The following NAALADL2 variants were observed in gnomAD, a reference collection of about 807,000 sequenced individuals.
NAALADL2 encodes the protein N-acetylated alpha-linked acidic dipeptidase like 2.
NAALADL2 carries 76 observed loss-of-function variants against 87.2 expected under a neutral mutation model. That is an observed-to-expected ratio of 0.87 (90% CI 0.72 to 1.05). The LOEUF (loss-of-function observed/expected upper bound fraction) is 1.05. NAALADL2 is among the 50% of genes least tolerant of loss of function. The pLI is 0.00. For synonymous variants in NAALADL2, 354 were observed against 331.0 expected, an observed-to-expected ratio of 1.07 and a Z score of -0.75; for missense variants, 1,089 against 945.8, an observed-to-expected ratio of 1.15 and a Z score of -1.99.
intron 1 of NAALADL2, among the ~76,000 whole-genome samples, chr3:174,895,725 A>G (rs1202165980): frequency 1.3e-5 from 2 of 152,108 alleles, no homozygotes; most frequent in African/African-American, 4.8e-5. Flanking sequence ...ATACATCAAA[A>G]CAAAAAAACG....
chr3:175,595,005 T>G (rs1722052983), intron 10 of NAALADL2, among the ~76,000 whole-genome samples: 1 of 152,146 alleles, frequency 6.6e-6, no homozygotes, highest in Non-Finnish European at 1.5e-5. Context: ...TTAGTTTAAC[T>G]GGCTCCCACA....
chr3:174,701,752 TGTTGTAGCAA>T (rs1729571653), intron 2 of NAALADL2, among the ~76,000 whole-genome samples: 1 of 152,172 alleles, frequency 6.6e-6, no homozygotes, highest in Non-Finnish European at 1.5e-5. Context: ...CATCCATCCA[TGTTGTAGCAA>T]GTTCAAGAGA....
At chr3:175,262,702 G>A (rs1751278001) in intron 4 of NAALADL2, among the ~76,000 whole-genome samples, 1 of 151,550 alleles carries the variant, frequency 6.6e-6, no homozygotes. Flanking sequence ...CTTTCCTATT[G>A]AAGCTTTTGA....
chr3:174,506,498 C>T (rs761773040), intron 1 of NAALADL2, among the ~76,000 whole-genome samples: 8 of 152,034 alleles, frequency 5.3e-5, no homozygotes, highest in African/African-American at 1.2e-4. Flanking sequence ...TCATTTTTAA[C>T]GGCTTTGCAT....
intron 5 of NAALADL2, among the ~76,000 whole-genome samples, chr3:175,366,398 G>A (rs543278540): frequency 1.8e-4 from 28 of 151,774 alleles, no homozygotes; most frequent in South Asian, 2.1e-4. Context: ...TGGGTCAAAT[G>A]GTATTTCTAG....
At chr3:174,855,613 T>G (rs1725753703), upstream of NAALADL2, among the ~76,000 whole-genome samples, 1 of 152,064 alleles carries the variant, frequency 6.6e-6, no homozygotes, top group Non-Finnish European at 1.5e-5. Context: ...TGTCTTTGTT[T>G]TCTTTGAGAC....
intron 11 of NAALADL2, among the ~76,000 whole-genome samples, chr3:175,684,063 TA>T (rs1735953437): frequency 6.6e-6 from 1 of 152,036 alleles, no homozygotes; most frequent in East Asian, 1.9e-4. Context: ...GATGAGCTTT[TA>T]AACTGTTCTT....
At chr3:175,612,681 C>CA (rs200567762) in intron 10 of NAALADL2, among the ~76,000 whole-genome samples, 28 of 150,338 alleles carry the variant, frequency 1.9e-4, no homozygotes, top group Admixed American at 3.3e-4. Context: ...GCTCTGACCT[C>CA]AAAAAAAAAT....
rs941663621 is a variant in NAALADL2 at position 175,014,475 on chromosome 3, A to C, written c.44-82315A>C. ...CTTTTAGCTCAAAATGTTTTTGACTATTTTGTTCCATAATGTATTCCCAGT... is the reference window on the plus strand; with the variant it reads ...CTTTTAGCTCAAAATGTTTTTGACTCTTTTGTTCCATAATGTATTCCCAGT... On this transcript the variant is annotated intron_variant, in intron 1 of 13. Transcript: ENST00000454872. Among the ~76,000 whole-genome samples, 7 of 152,230 alleles carry C rather than the reference A, an allele frequency of 4.6e-5. No individual in the cohort carries two copies. The East Asian group carries it at 1.4e-3, about 29-fold the overall frequency.
At chr3:175,660,346 C>T (rs925496746) in intron 11 of NAALADL2, among the ~76,000 whole-genome samples, 6 of 152,090 alleles carry the variant, frequency 3.9e-5, no homozygotes, top group African/African-American at 9.7e-5. Context: ...ACTGAAAAAA[C>T]TCACAATGAT....
Position 175,097,266 on chromosome 3 carries a change from G to A in NAALADL2, c.520G>A (p.Ala174Thr), listed in dbSNP as rs373589958. Residue 174 changes from alanine to threonine, a missense_variant, in exon 2 of 14, where the codon GCA becomes ACA. By Grantham distance (58) the Ala-to-Thr change is moderately conservative. Transcript: ENST00000454872. ...TCAAGAGATTCTCAAGACAATCCAG[G>A]CAGAAGATATTAAGAAGTCTTTCAG... Reference protein sequence around the residue: ...LYQEILKTIQAEDIKKSFRNL... With the variant: ...LYQEILKTIQTEDIKKSFRNL... 375 of 1,610,632 alleles carry A rather than the reference G, an allele frequency of 2.3e-4. No homozygotes were observed. Among genetic ancestry groups the A allele is most frequent in the Non-Finnish European group, 3.0e-4 (353 of 1,178,222 alleles).
intron 2 of NAALADL2, among the ~76,000 whole-genome samples, chr3:174,622,746 G>C (rs1325774950): frequency 6.6e-6 from 1 of 152,122 alleles, no homozygotes; most frequent in African/African-American, 2.4e-5. Context: ...CATTCATTTA[G>C]TAAGAGGAAT....
intron 2 of NAALADL2, among the ~76,000 whole-genome samples, chr3:174,592,931 GAGAA>G (rs991757976): frequency 1.3e-5 from 2 of 152,024 alleles, no homozygotes; most frequent in Non-Finnish European, 1.5e-5. Context: ...AGAGGGAGAA[GAGAA>G]AGAAAGAGGA....
At chr3:174,913,801 T>G (rs558549371) in intron 1 of NAALADL2, among the ~76,000 whole-genome samples, 16 of 152,234 alleles carry the variant, frequency 1.1e-4, no homozygotes, top group African/African-American at 2.6e-4. Context: ...GAAAAATCAT[T>G]TTGTGTATTG....
intron 12 of NAALADL2, among the ~76,000 whole-genome samples, chr3:175,743,115 C>G (rs1356646569): frequency 6.6e-6 from 1 of 152,104 alleles, no homozygotes; most frequent in Admixed American, 6.5e-5. Context: ...ATTCTCCTGC[C>G]TCAGCCTCCC....
intron 3 of NAALADL2, among the ~76,000 whole-genome samples, chr3:174,759,080 A>C (rs1054180938): frequency 6.6e-6 from 1 of 152,134 alleles, no homozygotes; most frequent in Non-Finnish European, 1.5e-5. Context: ...AAAGCATAAG[A>C]TTTGTTTCTC....
chr3:174,926,246 A>T (rs1423311858), intron 1 of NAALADL2, among the ~76,000 whole-genome samples: 1 of 152,232 alleles, frequency 6.6e-6, no homozygotes, highest in African/African-American at 2.4e-5. Flanking sequence ...TGTACCTGAA[A>T]GTGACAGGGA....
At chr3:174,822,824 G>A (rs1006411985) in intron 3 of NAALADL2, among the ~76,000 whole-genome samples, 10 of 152,158 alleles carry the variant, frequency 6.6e-5, no homozygotes, top group Admixed American at 3.9e-4. Context: ...ATTGGAAAAT[G>A]TATAATATAG....
chr3:175,757,215 C>T (rs775939667), intron 13 of NAALADL2, among the ~76,000 whole-genome samples: 2 of 151,856 alleles, frequency 1.3e-5, no homozygotes, highest in African/African-American at 2.4e-5. Context: ...AAGGTTATAA[C>T]TAGGACTAAG....
Sources: gnomAD v4.1 joint callset for allele counts (sites outside exome capture counted in the v4.1 genomes callset) on GRCh38, gnomAD v4.1.1 for gene constraint, MANE v1.5 for transcripts, NCBI Gene and HGNC (gene_info 2026-07-23, HGNC 2026-07-21) for gene names.